The following GALNT9 variants were observed in gnomAD, a reference collection of about 807,000 sequenced individuals.
GALNT9 encodes the protein GalNAc transferase 9.
In GALNT9, 47 loss-of-function variants were observed where a neutral mutation model predicts 63.1. That is an observed-to-expected ratio of 0.75 (90% CI 0.59 to 0.95). The LOEUF is 0.95. Ranked by LOEUF, GALNT9 falls within the 40% of genes least tolerant of loss-of-function variation. The pLI is 0.00. For synonymous variants in GALNT9, 396 were observed against 365.7 expected (o/e 1.08, Z -0.94); for missense variants, 829 against 874.8 (o/e 0.95, Z 0.66).
At chr12:132,229,526 C>T (rs1877817964) in intron 6 of GALNT9, among the ~76,000 whole-genome samples, 1 of 152,396 alleles carries the variant, frequency 6.6e-6, no homozygotes, top group Admixed American at 6.5e-5. Context: ...CACCCCGCGG[C>T]AGGCCCCAGG....
At chr12:132,269,411 G>T (rs1022535205) in intron 2 of GALNT9, among the ~76,000 whole-genome samples, 2 of 152,232 alleles carry the variant, frequency 1.3e-5, no homozygotes, top group Non-Finnish European at 2.9e-5. Flanking sequence ...GGGGCAGGAG[G>T]TCAGCAGCGT....
intron 2 of GALNT9, among the ~76,000 whole-genome samples, chr12:132,281,965 T>A (rs868929075): frequency 2.9e-5 from 3 of 105,256 alleles, no homozygotes; most frequent in Admixed American, 1.0e-4. Context: ...AGGCCTGGGG[T>A]CCCACATCCC....
chr12:132,201,408 T>TCCAGG (rs1305362724), intron 7 of GALNT9, 147 bp from the exon 8 acceptor site: 104 of 602,262 alleles, frequency 1.7e-4, no homozygotes, highest in Non-Finnish European at 2.8e-4. Flanking sequence ...CCCCATCCAG[T>TCCAGG]TGGGACCCCC....
In GALNT9 at chr12:132,257,903, G is replaced by A; in HGVS notation, c.762-17C>T. 1 of 1,494,934 alleles carries A rather than the reference G, an allele frequency of 6.7e-7. No individual in the cohort carries two copies. 92.6% of individuals were successfully genotyped at this position (1,494,934 alleles called of 1,614,324 possible). On this transcript the variant is annotated splice_polypyrimidine_tract_variant and intron_variant, in intron 4 of 10. Coordinates refer to ENST00000328957, the MANE Select transcript of GALNT9 (RefSeq NM_001122636.2). Reference sequence around the variant, plus strand: ...GGCTCGGCCCTGCGGAGGCACAGCTGTGAGGAGGGGCGGCCCCAGCCCACC... The same window carrying A: ...GGCTCGGCCCTGCGGAGGCACAGCTATGAGGAGGGGCGGCCCCAGCCCACC...
intron 6 of GALNT9, among the ~76,000 whole-genome samples, chr12:132,220,377 G>A (rs746585634): frequency 1.5e-4 from 23 of 152,168 alleles, no homozygotes; most frequent in Non-Finnish European, 2.9e-4. Flanking sequence ...AGAGGTCTTA[G>A]GACGACTGTT....
At chr12:132,227,752 C>T (rs891516549) in intron 6 of GALNT9, among the ~76,000 whole-genome samples, 9 of 152,052 alleles carry the variant, frequency 5.9e-5, no homozygotes, top group East Asian at 5.8e-4. Context: ...GATGGGGAAA[C>T]GGAGGCTCAG....
At chr12:132,257,937 T>C (rs979101440) in intron 4 of GALNT9, 51 bp from the exon 5 acceptor site, 23 of 1,296,284 alleles carry the variant, frequency 1.8e-5, no homozygotes, top group Middle Eastern at 2.4e-4. Context: ...CCGCATTCCC[T>C]GAGGAGGGTC....
intron 6 of GALNT9, among the ~76,000 whole-genome samples, chr12:132,241,676 G>A (rs1280700815): frequency 4.2e-5 from 4 of 96,090 alleles, no homozygotes; most frequent in Admixed American, 9.5e-5. Context: ...CCTTCCCGGG[G>A]CCCTCCCTAT....
At chr12:132,301,018 C>T (rs1376430439) in intron 1 of GALNT9, among the ~76,000 whole-genome samples, 3 of 152,282 alleles carry the variant, frequency 2.0e-5, no homozygotes, top group Admixed American at 6.5e-5. Flanking sequence ...CTCGTGCAGG[C>T]GTTGCACAAG....
rs372578022 is a variant in GALNT9, at chr12:132,286,305, G to A, written c.364C>T (p.Gln122Ter). 3.2e-6 allele frequency: 5 copies of A among 1,551,126 alleles called. No individual in the cohort carries two copies. The highest frequency in any genetic ancestry group is 1.2e-5 in the South Asian group (1 of 84,064). ...TCGAGGGAGATGCGGTCGCTGAGCT[G>A]AGCGTTGTAGCCGTACTCCTCATAC... is the stretch of plus-strand genomic sequence containing the variant. Reference protein sequence around the residue: ...GKYEEYGYNAQLSDRISLDRS... With the variant: ...GKYEEYGYNA Residue 122 changes from glutamine to a stop codon, truncating the protein, a stop_gained, in exon 2 of 11, where the codon CAG (glutamine) becomes TAG (stop). Coordinates refer to ENST00000328957, the MANE Select transcript of GALNT9 (RefSeq NM_001122636.2). LOFTEE classifies it high-confidence loss of function. The surrounding 1 kb of genome is among the most constrained non-coding windows in gnomAD (Gnocchi z 7.4).
rs532632325 is a variant in GALNT9 at position 132,292,318 on chromosome 12, A to C, written c.239-5888T>G. On this transcript the variant is annotated intron_variant, in intron 1 of 10. Transcript: ENST00000328957. ...AGAGCCGCCTGAGGTGGGTGAATGG[A>C]TCCCTTCCAAGCGGGTGCCAGGGCA... Among the ~76,000 whole-genome samples the C allele has an allele frequency of 2.0e-5, 3 of 152,168 alleles. No individual in the cohort carries two copies. The South Asian group carries it at 6.2e-4, about 32-fold the overall frequency.
rs1442510549 is a variant in GALNT9 at position 132,253,000 on chromosome 12, A to C, written c.959+4689T>G. 6.6e-6 allele frequency among the ~76,000 whole-genome samples: 1 copy of C among 152,184 alleles called. No individual in the cohort carries two copies. Among genetic ancestry groups the C allele is most frequent in the Non-Finnish European group, 1.5e-5 (1 of 68,036 alleles). ...GGGTGAATCTTCTAAGTGATTGACA[A>C]GGTGAAGCAAGTCACATGATCACAG... On this transcript the variant is annotated intron_variant, in intron 5 of 10. Coordinates refer to ENST00000328957, the MANE Select transcript of GALNT9 (RefSeq NM_001122636.2). This position sits in a 1 kb window ranked among gnomAD's most constrained non-coding sequence, Gnocchi z 5.2.
At chr12:132,267,139 A>C (rs1476534014) in intron 2 of GALNT9, among the ~76,000 whole-genome samples, 1 of 152,184 alleles carries the variant, frequency 6.6e-6, no homozygotes, top group Non-Finnish European at 1.5e-5. Context: ...TCTCACAAAA[A>C]AGAAGACACC....
chr12:132,201,201 A>G lies in GALNT9; in HGVS notation c.1324T>C (p.Cys442Arg). 1 of 1,613,174 alleles carries G rather than the reference A, an allele frequency of 6.2e-7. No individual in the cohort carries two copies. Among genetic ancestry groups the G allele is most frequent in the Non-Finnish European group, 8.5e-7 (1 of 1,179,350 alleles). The change falls in exon 8 of 11, where the codon TGT becomes CGT. Residue 442 changes from cysteine (C) to arginine (R), a missense_variant. Physicochemically the swap from Cys to Arg is radical, Grantham distance 180. Coordinates refer to ENST00000328957, the MANE Select transcript of GALNT9 (RefSeq NM_001122636.2). ...TCCAGGTACCACTTGAAGCTGCGAC[A>G]CTTCAGCCTCTGACGCAGGGCCAGC... ...ERLALRQRLK[C>R]RSFKWYLENV...
At chr12:132,202,389 C>T (rs1452556825) in intron 7 of GALNT9, among the ~76,000 whole-genome samples, 1 of 152,198 alleles carries the variant, frequency 6.6e-6, no homozygotes, top group African/African-American at 2.4e-5. Flanking sequence ...TCCTGATCTG[C>T]CTGGCGGGAG....
chr12:132,307,328 T>G (rs1881650335), intron 1 of GALNT9, among the ~76,000 whole-genome samples: 1 of 152,198 alleles, frequency 6.6e-6, no homozygotes, highest in African/African-American at 2.4e-5. Context: ...AAATACGCAC[T>G]GGGTCTATCT....
chr12:132,286,427 A>G lies in GALNT9; in HGVS notation c.242T>C (p.Leu81Pro). Residue 81 changes from leucine (L) to proline (P), a missense_variant, in exon 2 of 11, where the codon CTT (leucine) becomes CCT (proline). By Grantham distance (98) the Leu-to-Pro change is moderately conservative. Transcript: ENST00000328957. This position sits in a 1 kb window ranked among gnomAD's most constrained non-coding sequence, Gnocchi z 7.4. ...EEVVYNQLNG[L>P]AKPIGLVEGP... The stretch of plus-strand genomic sequence containing the variant: ...CTCCACCAGGCCGATGGGCTTGGCA[A>G]GGCCTGGGGGAAAGGAAGAGAGGGA... The G allele has an allele frequency of 6.5e-7, 1 of 1,549,116 alleles. No individual in the cohort carries two copies. The highest frequency in any genetic ancestry group is 1.2e-5 in the South Asian group (1 of 83,934).
chr12:132,306,821 C>T (rs1463754995), intron 1 of GALNT9, among the ~76,000 whole-genome samples: 1 of 152,212 alleles, frequency 6.6e-6, no homozygotes, highest in Non-Finnish European at 1.5e-5. Context: ...TCCGCGCACA[C>T]CCGCCGCGTG....
At chr12:132,204,865 C>CA (rs759382675) in intron 6 of GALNT9, among the ~76,000 whole-genome samples, 6 of 152,104 alleles carry the variant, frequency 3.9e-5, no homozygotes, top group Non-Finnish European at 7.4e-5. Context: ...TGCTCAGGTC[C>CA]TCAGCCCTGA....
Sources: allele counts gnomAD v4.1 joint callset (sites outside exome capture counted in the v4.1 genomes callset), GRCh38; gene constraint gnomAD v4.1.1; non-coding constraint Gnocchi (gnomAD v3.1); transcripts MANE v1.5; gene names NCBI Gene and HGNC (gene_info 2026-07-23, HGNC 2026-07-21).